FAM118A: variants seen among roughly 807,000 people sequenced by gnomAD.
FAM118A encodes SIR2 antiphage like 2.
FAM118A carries 25 observed loss-of-function variants against 38.2 expected under a neutral mutation model. That is an observed-to-expected ratio of 0.65 (90% confidence interval 0.48 to 0.91). The LOEUF is 0.91. Ranked by LOEUF, FAM118A falls within the 40% of genes least tolerant of loss-of-function variation. The pLI, the probability that FAM118A is intolerant of heterozygous loss-of-function variation, is 0.00. For missense variants in FAM118A, 425 were observed against 463.3 expected (o/e 0.92, Z 0.76); for synonymous variants, 178 against 184.1 (o/e 0.97, Z 0.27).
At chr22:45,326,241 C>T (rs1195515574) in intron 3 of FAM118A, among the ~76,000 whole-genome samples, 1 of 151,944 alleles carries the variant, frequency 6.6e-6, no homozygotes, top group East Asian at 1.9e-4. Context: ...CTGCTGTCAC[C>T]AGCCCTTCCT....
intron 1 of FAM118A, among the ~76,000 whole-genome samples, chr22:45,315,172 T>C (rs2084550730): frequency 6.6e-6 from 1 of 152,206 alleles, no homozygotes; most frequent in African/African-American, 2.4e-5. Flanking sequence ...GGTTTTGCTG[T>C]TTTCCTGGTT....
Position 45,322,138 on chromosome 22 carries a change from C to T in FAM118A, c.-9-233C>T, listed in dbSNP as rs541264882. ...TGTGCGTTTTCCTTCTGTGCTGTCC[C>T]GTGTAGAACAGCGAGAGTCCAACCA... is the stretch of plus-strand genomic sequence containing the variant. On this transcript the variant is annotated intron_variant, in intron 1 of 8. Transcript: ENST00000441876. 704 of 1,443,938 alleles carry T rather than the reference C, an allele frequency of 4.9e-4. 11 individuals are homozygous for T. The South Asian group carries it at 7.2e-3, about 15-fold the overall frequency. The allele number at this position is 1,443,938 out of a possible 1,614,324, so 89.4% of individuals were successfully genotyped here.
In FAM118A at chr22:45,332,638, G is replaced by A. The variant is rs369034003; in HGVS notation, c.865G>A (p.Gly289Arg). Residue 289 changes from glycine (G) to arginine (R), a missense_variant, in exon 6 of 9, where the codon GGG becomes AGG. By Grantham distance (125) the Gly-to-Arg change is moderately radical. Coordinates refer to ENST00000441876, the MANE Select transcript of FAM118A (RefSeq NM_017911.4). ...GCACGGAATCAAAGTTGTATCCTAC[G>A]GGGACTGTTTTGACCACTTTCCAGG... ...LLHGIKVVSY[G>R]DCFDHFPGYV... 64 of 1,614,198 alleles carry A rather than the reference G, an allele frequency of 4.0e-5. No homozygotes were observed. The highest frequency in any genetic ancestry group is 6.7e-5 in the East Asian group (3 of 44,894).
chr22:45,322,812 C>G (rs1017251151), intron 2 of FAM118A, among the ~76,000 whole-genome samples: 1 of 152,170 alleles, frequency 6.6e-6, no homozygotes, highest in Non-Finnish European at 1.5e-5. Context: ...CAGTAACTGT[C>G]TTATCCGTCA....
At chr22:45,335,682 G>A (rs2086033826) in intron 7 of FAM118A, among the ~76,000 whole-genome samples, 1 of 152,222 alleles carries the variant, frequency 6.6e-6, no homozygotes, top group South Asian at 2.1e-4. Context: ...GGTTCTATTT[G>A]TGTGATACCA....
chr22:45,339,501 G>T (rs1361575364), intron 8 of FAM118A, among the ~76,000 whole-genome samples: 1 of 152,216 alleles, frequency 6.6e-6, no homozygotes, highest in African/African-American at 2.4e-5. Flanking sequence ...GGATCAAACT[G>T]TTTGAAATCT....
At chr22:45,323,126 A>G (rs745806755) in intron 2 of FAM118A, 49 bp from the exon 3 acceptor site, 61 of 1,595,384 alleles carry the variant, frequency 3.8e-5, no homozygotes, top group Middle Eastern at 3.3e-4. Flanking sequence ...TTGTGTTTGC[A>G]ATGTTTCCGC....
rs765811517 is a variant in FAM118A at position 45,328,420 on chromosome 22, A to G, written c.522+357A>G. On this transcript the variant is annotated intron_variant, in intron 4 of 8. Coordinates refer to ENST00000441876, the MANE Select transcript of FAM118A (RefSeq NM_017911.4). ...TGGGCTGGGGCTGCGGGCAGCCTGC[A>G]GGTGTGGGGAGTTCTGTGCCCTGGG... The G allele has an allele frequency of 6.7e-6, 7 of 1,047,922 alleles. 1 individual carries two copies. The East Asian group carries it at 1.6e-4, about 24-fold the overall frequency. 64.9% of individuals were successfully genotyped at this position (1,047,922 alleles called of 1,614,324 possible). A position where few individuals can be genotyped will look rare whatever the true frequency, so the allele number is the denominator to read the frequency against.
intron 7 of FAM118A, among the ~76,000 whole-genome samples, chr22:45,335,851 A>C (rs1029259929): frequency 6.6e-6 from 1 of 152,206 alleles, no homozygotes; most frequent in African/African-American, 2.4e-5. Context: ...AAATTTAATG[A>C]GACTCGGTGG....
chr22:45,334,823 C>T (rs1344884084), intron 6 of FAM118A, among the ~76,000 whole-genome samples: 3 of 152,150 alleles, frequency 2.0e-5, no homozygotes, highest in South Asian at 4.1e-4. Context: ...CTCATCTCTG[C>T]CCCCGTCCGC....
In FAM118A at chr22:45,341,840, A is replaced by G. The variant is rs2086466831; in HGVS notation, c.*1435A>G. The G allele has an allele frequency of 1.3e-5, 2 of 152,250 alleles. No homozygotes were observed. Among genetic ancestry groups the G allele is most frequent in the African/African-American group, 4.8e-5 (2 of 41,462 alleles). 9.4% of individuals were successfully genotyped at this position (152,250 alleles called of 1,614,324 possible). A position where few individuals can be genotyped will look rare whatever the true frequency, so the allele number is the denominator to read the frequency against. ...ACAGATAAAGTTAAGAACAGGAAACAGAAGGGTAGGATGCATAGGGAGGGA... is the reference window on the plus strand; with the variant it reads ...ACAGATAAAGTTAAGAACAGGAAACGGAAGGGTAGGATGCATAGGGAGGGA... On this transcript the variant is annotated 3_prime_UTR_variant, in exon 9 of 9. Transcript: ENST00000441876.
At chr22:45,311,677 T>G (rs1601865602) in intron 1 of FAM118A, among the ~76,000 whole-genome samples, 1 of 150,214 alleles carries the variant, frequency 6.7e-6, no homozygotes, top group African/African-American at 2.5e-5. Context: ...GGGGCGGGAG[T>G]TGGTGTGTTT....
At chr22:45,312,245 C>A (rs2084401857) in intron 1 of FAM118A, among the ~76,000 whole-genome samples, 2 of 152,180 alleles carry the variant, frequency 1.3e-5, no homozygotes, top group South Asian at 4.1e-4. Context: ...CTGGAGATAG[C>A]ATCAAATCTC....
intron 3 of FAM118A, among the ~76,000 whole-genome samples, chr22:45,325,168 CTTG>C (rs1430371984): frequency 6.6e-6 from 1 of 152,142 alleles, no homozygotes; most frequent in Non-Finnish European, 1.5e-5. Context: ...ACTGAGGGCC[CTTG>C]TTGTCCTTCA....
chr22:45,336,768 G>A (rs1378855766), intron 8 of FAM118A, among the ~76,000 whole-genome samples: 3 of 152,168 alleles, frequency 2.0e-5, no homozygotes, highest in East Asian at 1.9e-4. Context: ...CGAAGTGAAC[G>A]CTCCCATCTA....
intron 7 of FAM118A, among the ~76,000 whole-genome samples, chr22:45,335,826 A>G (rs114902026): frequency 2.6e-5 from 4 of 152,336 alleles, no homozygotes; most frequent in African/African-American, 4.8e-5. Flanking sequence ...GCTGGGCTCA[A>G]TTCTGCCTGT....
At chr22:45,324,721 A>C (rs954520813) in intron 3 of FAM118A, among the ~76,000 whole-genome samples, 1 of 152,216 alleles carries the variant, frequency 6.6e-6, no homozygotes, top group Non-Finnish European at 1.5e-5. Context: ...TAGTTGGAAC[A>C]GAGACTTTCT....
chr22:45,312,857 A>G (rs1298019168), intron 1 of FAM118A, among the ~76,000 whole-genome samples: 1 of 152,148 alleles, frequency 6.6e-6, no homozygotes, highest in African/African-American at 2.4e-5. Flanking sequence ...GTTTGTATTT[A>G]TCTCTCAGGA....
At chr22:45,317,344 A>G (rs1249302132) in intron 1 of FAM118A, among the ~76,000 whole-genome samples, 1 of 152,172 alleles carries the variant, frequency 6.6e-6, no homozygotes, top group African/African-American at 2.4e-5. Context: ...GCGCCATTGC[A>G]CTCTAGCCTA....
Sources: gnomAD v4.1 joint callset for allele counts (sites outside exome capture counted in the v4.1 genomes callset) on GRCh38, gnomAD v4.1.1 for gene constraint, MANE v1.5 for transcripts, NCBI Gene and HGNC (gene_info 2026-07-23, HGNC 2026-07-21) for gene names.